The following SORCS3 variants were observed in gnomAD, a reference collection of about 807,000 sequenced individuals.
SORCS3 encodes the protein VPS10 domain-containing receptor SorCS3.
SORCS3 carries 57 observed loss-of-function variants against 146.3 expected under a neutral mutation model. That is an observed-to-expected ratio of 0.39 (90% confidence interval 0.31 to 0.49). The LOEUF (loss-of-function observed/expected upper bound fraction) is 0.49, where lower values mean the gene tolerates loss of function less well. Among genes scored for constraint, SORCS3 ranks in the 20% least tolerant of loss-of-function variants. The probability of loss-of-function intolerance (pLI) is 0.92; values close to 1 mark genes in which losing one functional copy is unlikely to be tolerated. For synonymous variants in SORCS3, 653 were observed against 618.5 expected (o/e 1.06, Z -0.83); for missense variants, 1,341 against 1,575.5 (o/e 0.85, Z 2.52).
At chr10:104,787,713 A>G (rs1252236213) in intron 1 of SORCS3, among the ~76,000 whole-genome samples, 1 of 152,102 alleles carries the variant, frequency 6.6e-6, no homozygotes. Flanking sequence ...CAAAAGAAGA[A>G]ATCACTTTTC....
chr10:105,048,855 C>A (rs1198176867), intron 5 of SORCS3, among the ~76,000 whole-genome samples: 1 of 151,938 alleles, frequency 6.6e-6, no homozygotes, highest in Non-Finnish European at 1.5e-5. Context: ...GTATAATCTG[C>A]CTTTCTCTTC....
chr10:105,068,165 C>A (rs1014981903), intron 5 of SORCS3, among the ~76,000 whole-genome samples: 2 of 152,128 alleles, frequency 1.3e-5, no homozygotes, highest in Non-Finnish European at 2.9e-5. Flanking sequence ...ATTGCCATTC[C>A]CCAAATGTAG....
chr10:105,137,451 T>C (rs1432018437), intron 7 of SORCS3, among the ~76,000 whole-genome samples: 1 of 151,942 alleles, frequency 6.6e-6, no homozygotes, highest in East Asian at 1.9e-4. Flanking sequence ...AGACACCGAA[T>C]TGTACAGTTT....
chr10:104,952,657 T>C lies in SORCS3; in HGVS notation c.796-24678T>C, dbSNP rs549117295. ...CAAATTGAGAGCTGTGCTTACTCTT[T>C]TCTGATAAAAGTCCACTTTTCCTTT... On this transcript the variant is annotated intron_variant, in intron 3 of 26. Transcript: ENST00000369701. 1.2e-3 allele frequency among the ~76,000 whole-genome samples: 190 copies of C among 152,290 alleles called. 3 individuals are homozygous for C. In the Middle Eastern group the frequency reaches 0.017, roughly 14 times the overall value.
At chr10:104,940,156 G>T (rs2019296929) in intron 3 of SORCS3, among the ~76,000 whole-genome samples, 1 of 139,004 alleles carries the variant, frequency 7.2e-6, no homozygotes, top group Admixed American at 7.7e-5. Flanking sequence ...ACTTTTCCAG[G>T]AAAGGGGCAG....
At chr10:104,848,661 C>T (rs568691025) in intron 2 of SORCS3, among the ~76,000 whole-genome samples, 15 of 152,190 alleles carry the variant, frequency 9.9e-5, no homozygotes, top group Non-Finnish European at 7.3e-5. Flanking sequence ...TGAAATCCTC[C>T]GTCTAAAACT....
At chr10:104,852,158 C>T (rs557203754) in intron 2 of SORCS3, among the ~76,000 whole-genome samples, 1 of 152,278 alleles carries the variant, frequency 6.6e-6, no homozygotes, top group South Asian at 2.1e-4. Flanking sequence ...CACATGAATA[C>T]GGGACAGTTC....
At chr10:105,184,979 C>T (rs1050982894) in intron 14 of SORCS3, among the ~76,000 whole-genome samples, 5 of 152,178 alleles carry the variant, frequency 3.3e-5, no homozygotes, top group African/African-American at 4.8e-5. Flanking sequence ...TCACCTCCTC[C>T]TGCCCCTGGC....
intron 3 of SORCS3, among the ~76,000 whole-genome samples, chr10:104,939,002 G>A (rs1241962069): frequency 6.6e-6 from 1 of 152,214 alleles, no homozygotes; most frequent in Non-Finnish European, 1.5e-5. Context: ...GGTCCAGATG[G>A]CACCTGAACT....
intron 3 of SORCS3, among the ~76,000 whole-genome samples, chr10:104,950,229 A>G (rs932355652): frequency 4.5e-4 from 69 of 152,218 alleles, no homozygotes; most frequent in African/African-American, 1.5e-3. Context: ...GCCATGTGTG[A>G]TCACTACCCA....
intron 4 of SORCS3, among the ~76,000 whole-genome samples, chr10:104,999,509 T>C (rs2055048271): frequency 1.3e-5 from 2 of 152,198 alleles, no homozygotes; most frequent in African/African-American, 4.8e-5. Flanking sequence ...GTTCAAATAT[T>C]GTCCTGTGCT....
At chr10:105,261,661 G>A (rs1428966066) in intron 25 of SORCS3, among the ~76,000 whole-genome samples, 6 of 152,156 alleles carry the variant, frequency 3.9e-5, no homozygotes, top group Non-Finnish European at 8.8e-5. Flanking sequence ...GTGTGAAGCC[G>A]CTCACTTCTC....
intron 1 of SORCS3, among the ~76,000 whole-genome samples, chr10:104,696,062 T>TATATAATATATATCATATACACATATA (rs1564660835): frequency 4.0e-5 from 3 of 75,696 alleles, no homozygotes; most frequent in African/African-American, 1.1e-4. Flanking sequence ...ATACACATAT[T>TATATAATATATATCATATACACATATA]ATATATAATA....
chr10:105,247,158 C>G, intron 21 of SORCS3, 61 bp from the exon 22 acceptor site: 1 of 871,516 alleles, frequency 1.1e-6, no homozygotes, highest in South Asian at 1.7e-5. Flanking sequence ...AGCTCCACAC[C>G]TGTCACACCC....
At chr10:105,017,543 T>G (rs1409786835) in intron 4 of SORCS3, among the ~76,000 whole-genome samples, 1 of 152,216 alleles carries the variant, frequency 6.6e-6, no homozygotes, top group Non-Finnish European at 1.5e-5. Flanking sequence ...GAGGCACTCA[T>G]GGGCTTTATG....
intron 5 of SORCS3, among the ~76,000 whole-genome samples, chr10:105,053,660 C>A (rs935699064): frequency 1.3e-5 from 2 of 151,568 alleles, no homozygotes; most frequent in African/African-American, 2.4e-5. Flanking sequence ...AATTTTATAT[C>A]TTTTAAAAAT....
intron 1 of SORCS3, among the ~76,000 whole-genome samples, chr10:104,770,430 T>G (rs983974287): frequency 1.3e-5 from 2 of 152,104 alleles, no homozygotes; most frequent in African/African-American, 4.8e-5. Context: ...GTTTTGTGGG[T>G]TTTACTGTAT....
chr10:104,822,811 C>A (rs758576650), intron 1 of SORCS3, among the ~76,000 whole-genome samples: 1 of 152,092 alleles, frequency 6.6e-6, no homozygotes, highest in Non-Finnish European at 1.5e-5. Context: ...CAATCTCTGG[C>A]GATTTTAATC....
At chr10:104,925,911 G>A (rs1399472676) in intron 3 of SORCS3, among the ~76,000 whole-genome samples, 14 of 152,130 alleles carry the variant, frequency 9.2e-5, no homozygotes, top group Non-Finnish European at 1.5e-5. Context: ...GCCTTTCCAT[G>A]GCAAAAAATA....
Sources: allele counts gnomAD v4.1 joint callset (sites outside exome capture counted in the v4.1 genomes callset), GRCh38; gene constraint gnomAD v4.1.1; transcripts MANE v1.5; gene names NCBI Gene and HGNC (gene_info 2026-07-23, HGNC 2026-07-21).